The following EYS variants were observed in gnomAD, a reference collection of about 807,000 sequenced individuals.
EYS encodes the protein protein eyes shut homolog.
Under a neutral mutation model 282.1 loss-of-function variants are expected in EYS, and 250 were observed. The observed-to-expected ratio is 0.89, with a 90% CI of 0.80 to 0.98. EYS has a LOEUF of 0.98. Ranked by LOEUF, EYS falls within the 50% of genes least tolerant of loss-of-function variation. The pLI is 0.00. For missense variants in EYS, 4,016 were observed against 3,709.0 expected, an observed-to-expected ratio of 1.08 and a Z score of -2.15; for synonymous variants, 1,355 against 1,282.9, an observed-to-expected ratio of 1.06 and a Z score of -1.20.
intron 12 of EYS, among the ~76,000 whole-genome samples, chr6:65,093,211 A>G (rs922970038): frequency 2.6e-5 from 4 of 152,032 alleles, no homozygotes; most frequent in African/African-American, 9.7e-5. Flanking sequence ...TTCTTCATAA[A>G]TGAAGGAGGA....
chr6:65,630,955 T>G (rs1255938961), intron 2 of EYS, among the ~76,000 whole-genome samples: 1 of 152,224 alleles, frequency 6.6e-6, no homozygotes, highest in Non-Finnish European at 1.5e-5. Context: ...CAATAGTTCA[T>G]AATGTGTATT....
At chr6:65,463,481 T>TAACA (rs1280085132) in intron 5 of EYS, among the ~76,000 whole-genome samples, 1 of 152,156 alleles carries the variant, frequency 6.6e-6, no homozygotes, top group Non-Finnish European at 1.5e-5. Flanking sequence ...TATCATATAT[T>TAACA]AACATAAAAT....
rs1163352442 is a variant in EYS, at chr6:65,443,358, GCATACATGTATGTACACATATAGA to G, written c.863-38015_863-37992del. Among the ~76,000 whole-genome samples, 49 of 138,244 alleles carry G rather than the reference GCATACATGTATGTACACATATAGA, an allele frequency of 3.5e-4. 10 individuals carry two copies. The highest frequency in any genetic ancestry group is 7.9e-4 in the Non-Finnish European group (48 of 60,760). The allele number at this position is 138,244 out of a possible 152,430, so 90.7% of individuals were successfully genotyped here. ...TGTATGTACACATATAGACATATAT[GCATACATGTATGTACACATATAGA>G]CATATATGCATACATGTATGTACAC... On this transcript the variant is annotated intron_variant, in intron 5 of 42. Transcript: ENST00000503581.
intron 7 of EYS, among the ~76,000 whole-genome samples, chr6:65,392,674 A>G (rs1229210034): frequency 6.6e-6 from 1 of 152,106 alleles, no homozygotes; most frequent in Non-Finnish European, 1.5e-5. Flanking sequence ...AGGAAACAAC[A>G]GGTAATGGAG....
At chr6:63,910,068 A>G (rs929240245) in intron 35 of EYS, among the ~76,000 whole-genome samples, 3 of 152,348 alleles carry the variant, frequency 2.0e-5, no homozygotes, top group Non-Finnish European at 2.9e-5. Context: ...GAGGAAGAGG[A>G]GGAGCTTAAA....
At chr6:64,906,727 C>T (rs1379915604) in intron 16 of EYS, among the ~76,000 whole-genome samples, 1 of 152,162 alleles carries the variant, frequency 6.6e-6, no homozygotes, top group Non-Finnish European at 1.5e-5. Context: ...TTTAAAGAAA[C>T]TTCTGTTCCT....
chr6:64,262,724 T>TTTC, intron 30 of EYS, among the ~76,000 whole-genome samples: 1 of 152,044 alleles, frequency 6.6e-6, no homozygotes, highest in South Asian at 2.1e-4. Context: ...TTAGTTTCGT[T>TTTC]TTCTTTTATT....
intron 12 of EYS, among the ~76,000 whole-genome samples, chr6:65,239,794 TA>T (rs774405440): frequency 2.0e-5 from 3 of 152,130 alleles, no homozygotes; most frequent in Non-Finnish European, 4.4e-5. Flanking sequence ...TACAAAATAC[TA>T]ATACCATACA....
chr6:64,750,895 T>C (rs1772724238), intron 22 of EYS, among the ~76,000 whole-genome samples: 1 of 151,984 alleles, frequency 6.6e-6, no homozygotes, highest in Non-Finnish European at 1.5e-5. Context: ...AGGGGCAGAG[T>C]CCCCCTGAGC....
At chr6:64,147,918 G>T (rs915358897) in intron 31 of EYS, among the ~76,000 whole-genome samples, 3 of 152,116 alleles carry the variant, frequency 2.0e-5, no homozygotes, top group Non-Finnish European at 4.4e-5. Flanking sequence ...CTTTTGTTTT[G>T]TCAAGCCAGT....
At chr6:64,216,219 G>C (rs1765922755) in intron 31 of EYS, among the ~76,000 whole-genome samples, 1 of 152,180 alleles carries the variant, frequency 6.6e-6, no homozygotes, top group African/African-American at 2.4e-5. Context: ...GAGTCCAAGA[G>C]AAGACCCCAG....
chr6:64,354,291 GT>G (rs1218560465), intron 29 of EYS, among the ~76,000 whole-genome samples: 2 of 151,566 alleles, frequency 1.3e-5, no homozygotes, highest in East Asian at 3.9e-4. Context: ...TTTAAAATAA[GT>G]TCCAAAGTGA....
In EYS at chr6:65,296,079, C is replaced by A; in HGVS notation, c.1807G>T (p.Val603Phe). Reference sequence around the variant, plus strand: ...TTCCCTAAGCAATAGTCAACATTGACAACACACAATCTGCCAATGTAACTA... The same window carrying A: ...TTCCCTAAGCAATAGTCAACATTGAAAACACACAATCTGCCAATGTAACTA... ...SLSYIGRLCV[V>F]NVDYCLGNHS... The change falls in exon 12 of 43, where the codon GTC (valine) becomes TTC (phenylalanine). Residue 603 changes from valine to phenylalanine, a missense_variant. Coordinates refer to ENST00000503581, the MANE Select transcript of EYS (RefSeq NM_001142800.2). The A allele has an allele frequency of 6.5e-7, 1 of 1,550,176 alleles. No homozygotes were observed. The highest frequency in any genetic ancestry group is 2.4e-5 in the East Asian group (1 of 40,852).
chr6:65,424,891 T>C (rs954027010), intron 5 of EYS, among the ~76,000 whole-genome samples: 6 of 152,026 alleles, frequency 3.9e-5, no homozygotes, highest in African/African-American at 1.4e-4. Flanking sequence ...TATTACTCTA[T>C]ATTTTCTGCC....
intron 23 of EYS, among the ~76,000 whole-genome samples, chr6:64,624,609 C>T (rs933479147): frequency 2.6e-5 from 4 of 152,114 alleles, no homozygotes; most frequent in African/African-American, 4.8e-5. Flanking sequence ...AGATGTTCTA[C>T]GTGACCAAAT....
At chr6:64,134,046 G>A (rs1774080358) in intron 31 of EYS, among the ~76,000 whole-genome samples, 1 of 152,032 alleles carries the variant, frequency 6.6e-6, no homozygotes, top group African/African-American at 2.4e-5. Flanking sequence ...TGCTGTGGAT[G>A]TCAGTTATAG....
intron 5 of EYS, among the ~76,000 whole-genome samples, chr6:65,433,443 G>A (rs1767956650): frequency 6.6e-6 from 1 of 152,092 alleles, no homozygotes; most frequent in African/African-American, 2.4e-5. Flanking sequence ...GCTTCAACAA[G>A]ATTATATTTT....
chr6:65,549,644 G>T (rs6909711), intron 2 of EYS, among the ~76,000 whole-genome samples: 14 of 151,902 alleles, frequency 9.2e-5, no homozygotes, highest in African/African-American at 3.4e-4. Flanking sequence ...CTGCAATTAC[G>T]TTATTGAAAT....
At chr6:65,403,449 GAAC>G (rs1364143665) in intron 6 of EYS, among the ~76,000 whole-genome samples, 1 of 150,852 alleles carries the variant, frequency 6.6e-6, no homozygotes, top group Non-Finnish European at 1.5e-5. Context: ...ATATTTATCT[GAAC>G]AACAAGATTT....
Sources: allele counts gnomAD v4.1 joint callset (sites outside exome capture counted in the v4.1 genomes callset), GRCh38; gene constraint gnomAD v4.1.1; transcripts MANE v1.5; gene names NCBI Gene and HGNC (gene_info 2026-07-23, HGNC 2026-07-21).